CHST9: variants seen among roughly 807,000 people sequenced by gnomAD.
CHST9 encodes the protein GalNAc-4-sulfotransferase 2.
CHST9 carries 41 observed loss-of-function variants against 44.4 expected under a neutral mutation model. The observed-to-expected ratio is 0.92, with a 90% CI of 0.72 to 1.20. CHST9 has a LOEUF of 1.20. Ranked by LOEUF, CHST9 falls within the 50% of genes most tolerant of loss-of-function variation. The probability of loss-of-function intolerance (pLI) is 0.00; values close to 1 mark genes in which losing one functional copy is unlikely to be tolerated. For missense variants in CHST9, 504 were observed against 516.5 expected, an observed-to-expected ratio of 0.98 and a Z score of 0.23; for synonymous variants, 171 against 178.4, an observed-to-expected ratio of 0.96 and a Z score of 0.33.
At position 27,080,004 on chromosome 18, in the gene CHST9, CAG is replaced by C. The variant is rs1201425722; in HGVS notation, c.122-31503_122-31502del. 5.3e-5 allele frequency among the ~76,000 whole-genome samples: 8 copies of C among 152,266 alleles called. No individual in the cohort carries two copies. In the East Asian group the frequency reaches 1.2e-3, roughly 22 times the overall value. On this transcript the variant is annotated intron_variant, in intron 2 of 5. Transcript: ENST00000618847. ...AAGCCCTTTTTCCCATGTAAGGTTA[CAG>C]AGTCACAGGTTCTGGGGGTTAGATT...
intron 3 of CHST9, among the ~76,000 whole-genome samples, chr18:27,029,527 T>C (rs2057318706): frequency 6.6e-6 from 1 of 152,156 alleles, no homozygotes; most frequent in Non-Finnish European, 1.5e-5. Context: ...TACAGTTGTC[T>C]CTTGGTATCT....
chr18:26,965,292 G>A (rs2056450346), intron 4 of CHST9, among the ~76,000 whole-genome samples: 1 of 152,186 alleles, frequency 6.6e-6, no homozygotes, highest in African/African-American at 2.4e-5. Flanking sequence ...TACTTGTGCT[G>A]GTGGCAGTGT....
intron 2 of CHST9, among the ~76,000 whole-genome samples, chr18:27,118,798 C>G (rs1313347767): frequency 6.6e-6 from 1 of 152,160 alleles, no homozygotes; most frequent in Non-Finnish European, 1.5e-5. Context: ...CCAAGTAGTC[C>G]CACAGTCTTG....
intron 2 of CHST9, among the ~76,000 whole-genome samples, chr18:27,124,116 A>C (rs1026260316): frequency 1.3e-5 from 2 of 152,230 alleles, no homozygotes; most frequent in Non-Finnish European, 2.9e-5. Context: ...AAGGGTCCCC[A>C]AAGTCAAAAC....
intron 1 of CHST9, among the ~76,000 whole-genome samples, chr18:27,159,376 C>T (rs2058726433): frequency 6.6e-6 from 1 of 152,148 alleles, no homozygotes; most frequent in African/African-American, 2.4e-5. Context: ...ATCCTTTCCC[C>T]ATTTCTTGTT....
intron 1 of CHST9, among the ~76,000 whole-genome samples, chr18:27,168,810 C>A (rs547636353): frequency 3.9e-5 from 6 of 152,236 alleles, no homozygotes; most frequent in East Asian, 1.9e-4. Context: ...AGAAATTTTA[C>A]AGAAATAATT....
intron 4 of CHST9, among the ~76,000 whole-genome samples, chr18:26,972,574 G>A (rs2056563751): frequency 6.6e-6 from 1 of 152,078 alleles, no homozygotes; most frequent in Non-Finnish European, 1.5e-5. Context: ...GACCGACAGA[G>A]TTTGGGGCAT....
intron 2 of CHST9, among the ~76,000 whole-genome samples, chr18:27,053,475 A>C (rs1039890461): frequency 6.6e-6 from 1 of 152,034 alleles, no homozygotes; most frequent in Non-Finnish European, 1.5e-5. Flanking sequence ...CCCTCAGTCC[A>C]ATACATTCCC....
intron 4 of CHST9, among the ~76,000 whole-genome samples, chr18:26,963,152 G>A (rs1455164672): frequency 6.6e-6 from 1 of 152,088 alleles, no homozygotes; most frequent in East Asian, 1.9e-4. Flanking sequence ...CACTCATGGG[G>A]TCATATGTGA....
intron 2 of CHST9, among the ~76,000 whole-genome samples, chr18:27,101,064 G>A (rs1451011286): frequency 6.6e-6 from 1 of 152,158 alleles, no homozygotes; most frequent in Admixed American, 6.5e-5. Context: ...GAAGCTTTGA[G>A]TCTCCAGCCA....
chr18:27,026,858 T>G (rs1051390492), intron 3 of CHST9, among the ~76,000 whole-genome samples: 5 of 152,232 alleles, frequency 3.3e-5, no homozygotes, highest in African/African-American at 1.2e-4. Flanking sequence ...TGAAAAAGAA[T>G]TAAGACTTAA....
intron 2 of CHST9, among the ~76,000 whole-genome samples, chr18:27,089,192 C>A (rs1472675640): frequency 6.6e-6 from 1 of 151,900 alleles, no homozygotes; most frequent in Non-Finnish European, 1.5e-5. Context: ...GCACAACGTG[C>A]AGGTTTGATA....
chr18:27,111,859 C>T (rs2058273466), intron 2 of CHST9, among the ~76,000 whole-genome samples: 2 of 152,088 alleles, frequency 1.3e-5, no homozygotes, highest in South Asian at 4.1e-4. Context: ...TTAGGCATTG[C>T]TCTTCTGCCC....
intron 4 of CHST9, among the ~76,000 whole-genome samples, chr18:26,966,862 C>T (rs1318454651): frequency 7.4e-6 from 1 of 135,834 alleles, no homozygotes; most frequent in Non-Finnish European, 1.6e-5. Context: ...GAAAACAATA[C>T]TTAATTATTA....
intron 2 of CHST9, among the ~76,000 whole-genome samples, chr18:27,139,671 A>C (rs903059186): frequency 1.3e-5 from 2 of 152,142 alleles, no homozygotes; most frequent in Non-Finnish European, 2.9e-5. Flanking sequence ...TTTTACATTT[A>C]TGCTTTTTGT....
At chr18:27,106,403 C>G (rs1204642210) in intron 2 of CHST9, among the ~76,000 whole-genome samples, 1 of 152,086 alleles carries the variant, frequency 6.6e-6, no homozygotes, top group Non-Finnish European at 1.5e-5. Context: ...TTTGTTAATG[C>G]CATTATTGGA....
At chr18:27,018,457 C>T (rs2057180955) in intron 4 of CHST9, among the ~76,000 whole-genome samples, 3 of 151,996 alleles carry the variant, frequency 2.0e-5, no homozygotes, top group South Asian at 4.2e-4. Flanking sequence ...AAGAAAAAAA[C>T]CCAACAACTT....
intron 2 of CHST9, among the ~76,000 whole-genome samples, chr18:27,058,092 C>A (rs1162295491): frequency 6.6e-6 from 1 of 152,200 alleles, no homozygotes; most frequent in African/African-American, 2.4e-5. Context: ...TGAAGTCAGA[C>A]TGGCAATAGT....
intron 4 of CHST9, among the ~76,000 whole-genome samples, chr18:26,982,942 T>C (rs2056710637): frequency 6.6e-6 from 1 of 152,066 alleles, no homozygotes; most frequent in African/African-American, 2.4e-5. Flanking sequence ...GACAAGCAGA[T>C]AGACAATTAC....
Sources: allele counts gnomAD v4.1 joint callset (sites outside exome capture counted in the v4.1 genomes callset), GRCh38; gene constraint gnomAD v4.1.1; transcripts MANE v1.5; gene names NCBI Gene and HGNC (gene_info 2026-07-23, HGNC 2026-07-21).